SLK: variants seen among roughly 807,000 people sequenced by gnomAD.
SLK encodes STE20-like serine/threonine-protein kinase.
A neutral mutation model predicts 147.7 loss-of-function variants in SLK; 67 were observed. The observed-to-expected ratio is 0.45, with a 90% CI of 0.37 to 0.56. The LOEUF (loss-of-function observed/expected upper bound fraction) is 0.56, where lower values mean the gene tolerates loss of function less well. SLK is among the 20% of genes least tolerant of loss of function. The pLI is 0.00. For synonymous variants in SLK, 441 were observed against 475.0 expected, an observed-to-expected ratio of 0.93 and a Z score of 0.93; for missense variants, 1,136 against 1,438.8, an observed-to-expected ratio of 0.79 and a Z score of 3.41.
At chr10:103,997,077 C>A (rs546046834) in intron 4 of SLK, among the ~76,000 whole-genome samples, 3 of 152,176 alleles carry the variant, frequency 2.0e-5, no homozygotes, top group African/African-American at 7.2e-5. Context: ...ACAGTTAGTC[C>A]CCATTTTCCA....
At chr10:103,969,273 A>T (rs578190615) in intron 1 of SLK, among the ~76,000 whole-genome samples, 80 of 152,244 alleles carry the variant, frequency 5.3e-4, no homozygotes, top group African/African-American at 1.8e-3. Flanking sequence ...CCGGCTGCCT[A>T]CTACTTTCTA....
chr10:103,968,368 C>G, intron 1 of SLK, among the ~76,000 whole-genome samples: 1 of 152,204 alleles, frequency 6.6e-6, no homozygotes, highest in East Asian at 1.9e-4. Flanking sequence ...AAAGTGATTG[C>G]TACTTGCAGT....
chr10:104,006,755 T>G (rs1844331047), intron 11 of SLK, among the ~76,000 whole-genome samples: 1 of 152,082 alleles, frequency 6.6e-6, no homozygotes. Context: ...AAGATTGTTT[T>G]GTGTGAACTG....
chr10:103,997,734 G>A (rs897551791), intron 4 of SLK, among the ~76,000 whole-genome samples: 3 of 151,694 alleles, frequency 2.0e-5, no homozygotes, highest in Non-Finnish European at 4.4e-5. Flanking sequence ...GAGCTCTGTC[G>A]CCTTTCAGAA....
intron 2 of SLK, among the ~76,000 whole-genome samples, chr10:103,992,141 GTTTTTTT>G (rs56381345): frequency 2.2e-5 from 2 of 91,792 alleles, no homozygotes. Flanking sequence ...TATTTCTTCT[GTTTTTTT>G]TTTTTTTTTT....
chr10:103,989,720 G>A (rs1021712813), intron 1 of SLK, among the ~76,000 whole-genome samples: 5 of 151,956 alleles, frequency 3.3e-5, no homozygotes, highest in Admixed American at 3.3e-4. Flanking sequence ...TGCCTGCCTC[G>A]GCCTCCCAAA....
intron 7 of SLK, among the ~76,000 whole-genome samples, chr10:104,001,188 A>G (rs1844243483): frequency 1.3e-5 from 2 of 152,074 alleles, no homozygotes; most frequent in African/African-American, 4.8e-5. Flanking sequence ...CTACCCAGAT[A>G]TAACAATTCT....
intron 9 of SLK, among the ~76,000 whole-genome samples, chr10:104,003,771 G>T (rs1482505716): frequency 6.6e-6 from 1 of 152,176 alleles, no homozygotes; most frequent in Non-Finnish European, 1.5e-5. Flanking sequence ...TAATATGGTT[G>T]CTTGGTGTGA....
At chr10:103,969,720 A>G (rs377029976) in intron 1 of SLK, among the ~76,000 whole-genome samples, 6 of 152,214 alleles carry the variant, frequency 3.9e-5, no homozygotes, top group Non-Finnish European at 8.8e-5. Flanking sequence ...GGGAATCAAG[A>G]GTTGTGTTTT....
At chr10:103,979,316 C>T (rs1381658565) in intron 1 of SLK, among the ~76,000 whole-genome samples, 1 of 152,166 alleles carries the variant, frequency 6.6e-6, no homozygotes, top group East Asian at 1.9e-4. Flanking sequence ...CGTATCCAGC[C>T]AAGATATTTT....
At chr10:104,013,088 T>G (rs1295707069) in intron 13 of SLK, among the ~76,000 whole-genome samples, 1 of 152,234 alleles carries the variant, frequency 6.6e-6, no homozygotes, top group Non-Finnish European at 1.5e-5. Flanking sequence ...AATTTAGTAA[T>G]CTAACAAATA....
Position 104,018,980 on chromosome 10 carries a change from T to G in SLK, c.3132+72T>G. ...TGCAAAGCTATTTAGTTTTGAAACTTAAGTTTCTTAGATAATGAATTTTAG... is the reference window on the plus strand; with the variant it reads ...TGCAAAGCTATTTAGTTTTGAAACTGAAGTTTCTTAGATAATGAATTTTAG... On this transcript the variant is annotated intron_variant, in intron 15 of 18. Transcript: ENST00000369755. 6 of 1,394,564 alleles carry G rather than the reference T, an allele frequency of 4.3e-6. No homozygotes were observed. The Admixed American group carries it at 7.6e-5, about 18-fold the overall frequency. 86.4% of individuals were successfully genotyped at this position (1,394,564 alleles called of 1,614,324 possible). A position where few individuals can be genotyped will look rare whatever the true frequency, so the allele number is the denominator to read the frequency against.
Position 104,002,354 on chromosome 10 carries a change from G to A in SLK, c.1176G>A (p.Lys392=), listed in dbSNP as rs778305761. Residue 392 remains lysine, a synonymous_variant, in exon 9 of 19, where the codon AAG becomes AAA. Transcript: ENST00000369755. ...AACCCACCACTGATGAACCTGAAAAGGCTGTGGAGGATATTAATGAACATA... is the reference window on the plus strand; with the variant it reads ...AACCCACCACTGATGAACCTGAAAAAGCTGTGGAGGATATTAATGAACATA... The part of the protein sequence containing the change: ...NEKPTTDEPE[K]AVEDINEHIT... 3 of 1,613,334 alleles carry A rather than the reference G, an allele frequency of 1.9e-6. No homozygotes were observed. Among genetic ancestry groups the A allele is most frequent in the Non-Finnish European group, 2.5e-6 (3 of 1,179,606 alleles).
At chr10:103,980,501 C>T (rs1843927187) in intron 1 of SLK, among the ~76,000 whole-genome samples, 1 of 152,154 alleles carries the variant, frequency 6.6e-6, no homozygotes, top group Non-Finnish European at 1.5e-5. Flanking sequence ...TTTCTTCCTT[C>T]CTCCTGCCCT....
chr10:104,008,507 A>T (rs1844358854), intron 12 of SLK, 151 bp downstream of exon 12: 1 of 587,368 alleles, frequency 1.7e-6, no homozygotes, highest in Non-Finnish European at 3.0e-6. Flanking sequence ...AGTCATATAG[A>T]GTTGTCATAA....
At chr10:103,975,020 G>T (rs1450530630) in intron 1 of SLK, among the ~76,000 whole-genome samples, 2 of 151,232 alleles carry the variant, frequency 1.3e-5, no homozygotes, top group East Asian at 2.0e-4. Context: ...CCACCTCTGT[G>T]TCTGTTCGTC....
chr10:104,012,481 G>A (rs941699313), intron 13 of SLK, among the ~76,000 whole-genome samples: 2 of 152,096 alleles, frequency 1.3e-5, no homozygotes, highest in African/African-American at 4.8e-5. Context: ...TATATGTCAG[G>A]CATTGTTCTA....
chr10:103,996,216 T>G (rs974106463), intron 4 of SLK, among the ~76,000 whole-genome samples: 4 of 152,156 alleles, frequency 2.6e-5, no homozygotes, highest in African/African-American at 9.7e-5. Context: ...ATTTCTTTCC[T>G]TCAGCATCTG....
At chr10:104,024,473 CT>C (rs1315863143) in intron 18 of SLK, among the ~76,000 whole-genome samples, 1 of 152,216 alleles carries the variant, frequency 6.6e-6, no homozygotes, top group Non-Finnish European at 1.5e-5. Flanking sequence ...CCACTAGCCA[CT>C]TTGTTCCCAG....
Sources: gnomAD v4.1 joint callset for allele counts (sites outside exome capture counted in the v4.1 genomes callset) on GRCh38, gnomAD v4.1.1 for gene constraint, MANE v1.5 for transcripts, NCBI Gene and HGNC (gene_info 2026-07-23, HGNC 2026-07-21) for gene names.